GALNT13: variants seen among roughly 807,000 people sequenced by gnomAD.
GALNT13 encodes the protein UDP-GalNAc:polypeptide N-acetylgalactosaminyltransferase 13.
In GALNT13, 28 loss-of-function variants were observed where a neutral mutation model predicts 64.2. The ratio of observed to expected loss-of-function variants is 0.44; its 90% confidence interval spans 0.32 to 0.60. The LOEUF (loss-of-function observed/expected upper bound fraction) is 0.60. Ranked by LOEUF, GALNT13 falls within the 20% of genes least tolerant of loss-of-function variation. The pLI, the probability that GALNT13 is intolerant of heterozygous loss-of-function variation, is 0.05. For synonymous variants in GALNT13, 214 were observed against 224.6 expected (o/e 0.95, Z 0.42); for missense variants, 577 against 669.8 (o/e 0.86, Z 1.53).
At chr2:153,408,103 T>C in the GALNT13 span, among the ~76,000 whole-genome samples, 5 of 152,160 alleles carry the variant, frequency 3.3e-5, no homozygotes, top group African/African-American at 7.2e-5. Flanking sequence ...CAGTGGGTGT[T>C]AGAATTAGCT....
the GALNT13 span, among the ~76,000 whole-genome samples, chr2:153,289,528 A>G: frequency 5.9e-5 from 9 of 152,066 alleles, no homozygotes; most frequent in African/African-American, 1.2e-4. Flanking sequence ...TGTTCCTTTC[A>G]CTAGTTTCTA....
the GALNT13 span, among the ~76,000 whole-genome samples, chr2:153,578,462 T>G: frequency 1.3e-5 from 2 of 152,194 alleles, no homozygotes; most frequent in African/African-American, 4.8e-5. Context: ...ATGCATTGCT[T>G]TTTAAGTCAC....
the GALNT13 span, among the ~76,000 whole-genome samples, chr2:153,391,447 C>T: frequency 1.3e-5 from 2 of 152,082 alleles, no homozygotes; most frequent in East Asian, 3.9e-4. Context: ...ATAGCTGTGA[C>T]TAACCACTTG....
chr2:153,566,357 T>TTTTTG, the GALNT13 span, among the ~76,000 whole-genome samples: 4 of 138,056 alleles, frequency 2.9e-5, 1 homozygote, highest in Admixed American at 1.4e-4. Flanking sequence ...CGTTTTTTTT[T>TTTTTG]TTTTTTTTTT....
At chr2:153,227,997 A>C in the GALNT13 span, among the ~76,000 whole-genome samples, 3 of 152,212 alleles carry the variant, frequency 2.0e-5, no homozygotes, top group Non-Finnish European at 2.9e-5. Context: ...AAGTTGTTCT[A>C]TTCCTTATAA....
At chr2:154,431,974 T>C (rs1474859019) in intron 11 of GALNT13, among the ~76,000 whole-genome samples, 4 of 152,176 alleles carry the variant, frequency 2.6e-5, no homozygotes, top group Non-Finnish European at 5.9e-5. Context: ...CTTAGGTATG[T>C]CCTTATAGCA....
chr2:153,884,546 T>G (rs1271133187), intron 1 of GALNT13, among the ~76,000 whole-genome samples: 4 of 151,644 alleles, frequency 2.6e-5, no homozygotes, highest in Non-Finnish European at 4.4e-5. Flanking sequence ...ATTATGGGGC[T>G]AAGAGGGGAA....
chr2:154,424,819 G>A lies in GALNT13; in HGVS notation c.1396-13773G>A, dbSNP rs557499820. ...TCTTTTCTGAGATCATATTCCTAAC[G>A]AACGACTTGCACTTGAATTACTGTC... On this transcript the variant is annotated intron_variant, in intron 11 of 12. Transcript: ENST00000392825. Among the ~76,000 whole-genome samples, 6 of 152,220 alleles carry A rather than the reference G, an allele frequency of 3.9e-5. No individual in the cohort carries two copies. The South Asian group carries it at 1.0e-3, about 26-fold the overall frequency.
At chr2:153,293,398 T>C in the GALNT13 span, among the ~76,000 whole-genome samples, 1 of 151,998 alleles carries the variant, frequency 6.6e-6, no homozygotes, top group Non-Finnish European at 1.5e-5. Flanking sequence ...CAGGGATGTA[T>C]GTGTGTGAGA....
the GALNT13 span, among the ~76,000 whole-genome samples, chr2:153,266,839 T>C: frequency 0.83 from 126,534 of 152,228 alleles, 53,843 homozygotes; most frequent in African/African-American, 0.93. Flanking sequence ...CAAAACCAAT[T>C]ATGCCTTCCC....
chr2:154,146,827 C>A (rs1043528373), intron 4 of GALNT13, among the ~76,000 whole-genome samples: 3 of 152,116 alleles, frequency 2.0e-5, no homozygotes, highest in African/African-American at 7.2e-5. Flanking sequence ...AAGCCCCAAA[C>A]CCTTTTCCTT....
chr2:153,773,706 A>T, the GALNT13 span, among the ~76,000 whole-genome samples: 27 of 152,310 alleles, frequency 1.8e-4, no homozygotes, highest in Non-Finnish European at 3.7e-4. Context: ...TTATACTTTA[A>T]TAAGAATATC....
At chr2:153,548,635 A>G in the GALNT13 span, among the ~76,000 whole-genome samples, 2 of 152,194 alleles carry the variant, frequency 1.3e-5, no homozygotes, top group African/African-American at 2.4e-5. Flanking sequence ...CTATGCTACC[A>G]GAAACATATA....
chr2:153,669,208 C>G, the GALNT13 span, among the ~76,000 whole-genome samples: 1 of 152,164 alleles, frequency 6.6e-6, no homozygotes, highest in Non-Finnish European at 1.5e-5. Flanking sequence ...ACCACAGCCT[C>G]CCCATACCAC....
the GALNT13 span, among the ~76,000 whole-genome samples, chr2:153,475,344 C>A: frequency 6.6e-6 from 1 of 152,182 alleles, no homozygotes; most frequent in Non-Finnish European, 1.5e-5. Flanking sequence ...TGTTCACATA[C>A]CTTTTGTATC....
chr2:154,074,941 A>G (rs1700910638), intron 3 of GALNT13, among the ~76,000 whole-genome samples: 1 of 151,944 alleles, frequency 6.6e-6, no homozygotes, highest in African/African-American at 2.4e-5. Flanking sequence ...CACGGCCAAC[A>G]TCATACTGAA....
intron 4 of GALNT13, among the ~76,000 whole-genome samples, chr2:154,214,124 T>A (rs987370566): frequency 7.2e-5 from 11 of 152,228 alleles, no homozygotes; most frequent in Non-Finnish European, 1.2e-4. Flanking sequence ...ATTTCACTTG[T>A]GAATCCACTG....
chr2:154,313,109 T>C (rs948195134), intron 9 of GALNT13, among the ~76,000 whole-genome samples: 1 of 151,570 alleles, frequency 6.6e-6, no homozygotes, highest in African/African-American at 2.4e-5. Context: ...TGAATAATTA[T>C]GTTCTCAAAA....
chr2:154,113,082 A>G (rs886315225), intron 3 of GALNT13, among the ~76,000 whole-genome samples: 1 of 152,176 alleles, frequency 6.6e-6, no homozygotes, highest in Non-Finnish European at 1.5e-5. Context: ...TGGTGCCTTG[A>G]TGACCCGTAG....
Sources: gnomAD v4.1 joint callset for allele counts (sites outside exome capture counted in the v4.1 genomes callset) on GRCh38, gnomAD v4.1.1 for gene constraint, MANE v1.5 for transcripts, NCBI Gene and HGNC (gene_info 2026-07-23, HGNC 2026-07-21) for gene names.